The following NFYC variants were observed in gnomAD, a reference collection of about 807,000 sequenced individuals.
NFYC encodes CAAT box DNA-binding protein subunit C.
NFYC carries 25 observed loss-of-function variants against 53.1 expected under a neutral mutation model. The observed-to-expected ratio is 0.47, with a 90% CI of 0.34 to 0.66. The LOEUF (loss-of-function observed/expected upper bound fraction) is 0.66, where lower values mean the gene tolerates loss of function less well. Ranked by LOEUF, NFYC falls within the 30% of genes least tolerant of loss-of-function variation. NFYC has a pLI of 0.01. For missense variants in NFYC, 260 were observed against 422.7 expected (o/e 0.62, Z 3.38); for synonymous variants, 145 against 152.6 (o/e 0.95, Z 0.37).
intron 9 of NFYC, among the ~76,000 whole-genome samples, chr1:40,769,812 C>A (rs189202267): frequency 1.8e-4 from 27 of 152,112 alleles, no homozygotes; most frequent in Admixed American, 1.8e-3. Context: ...ACTGTTGAGA[C>A]GCAGAGAACA....
At chr1:40,738,658 A>G (rs138924967) in intron 1 of NFYC, among the ~76,000 whole-genome samples, 178 bp from the exon 2 acceptor site, 5 of 152,360 alleles carry the variant, frequency 3.3e-5, no homozygotes, top group Admixed American at 1.3e-4. Context: ...AAACTTTCCT[A>G]CCAATGTTTT....
chr1:40,725,797 G>T (rs572198400), intron 1 of NFYC, among the ~76,000 whole-genome samples: 16 of 152,220 alleles, frequency 1.1e-4, no homozygotes, highest in African/African-American at 3.9e-4. Context: ...CTGCCACTAG[G>T]GCAAAATACA....
intron 3 of NFYC, among the ~76,000 whole-genome samples, chr1:40,748,152 G>A (rs1447091771): frequency 1.3e-5 from 2 of 151,406 alleles, no homozygotes; most frequent in Admixed American, 6.6e-5. Flanking sequence ...TTCTTTTTGA[G>A]ACAGGGTCTC....
chr1:40,704,030 G>T lies in NFYC; in HGVS notation c.-9+12163G>T, dbSNP rs561869135. 5.3e-4 allele frequency among the ~76,000 whole-genome samples: 81 copies of T among 151,890 alleles called. 1 individual carries two copies. Among genetic ancestry groups the T allele is most frequent in the Admixed American group, 2.8e-3 (43 of 15,264 alleles). On this transcript the variant is annotated intron_variant, in intron 1 of 9. Transcript: ENST00000447388. ...CTTTACCTTCTTTGAGAGTATTAAAGCTTCAACCGTGTAACCAGAGTTACT... is the reference window on the plus strand; with the variant it reads ...CTTTACCTTCTTTGAGAGTATTAAATCTTCAACCGTGTAACCAGAGTTACT...
At chr1:40,767,688 G>C (rs150790117) in intron 8 of NFYC, among the ~76,000 whole-genome samples, 29 of 152,328 alleles carry the variant, frequency 1.9e-4, no homozygotes, top group Non-Finnish European at 3.4e-4. Flanking sequence ...TCAGAAGTCA[G>C]TTTGGGGCTG....
chr1:40,694,229 C>G (rs1643001092), intron 1 of NFYC, among the ~76,000 whole-genome samples: 1 of 152,238 alleles, frequency 6.6e-6, no homozygotes, highest in African/African-American at 2.4e-5. Flanking sequence ...AGGACCTATT[C>G]AAAGGCCTAG....
chr1:40,734,514 C>T (rs907681499), intron 1 of NFYC, among the ~76,000 whole-genome samples: 22 of 152,036 alleles, frequency 1.4e-4, no homozygotes, highest in Non-Finnish European at 2.8e-4. Context: ...GCATGTGCCA[C>T]CACAGCCAGC....
intron 3 of NFYC, among the ~76,000 whole-genome samples, chr1:40,748,644 A>G (rs1365821499): frequency 6.6e-6 from 1 of 152,160 alleles, no homozygotes; most frequent in Non-Finnish European, 1.5e-5. Flanking sequence ...GGGCTTGGCC[A>G]TTTCTGTATT....
chr1:40,763,364 A>C (rs1273447826), intron 7 of NFYC: 1 of 455,560 alleles, frequency 2.2e-6, no homozygotes, highest in African/African-American at 2.0e-5. Context: ...TCTTTTTAGG[A>C]GACAGGTCTT....
intron 1 of NFYC, chr1:40,712,692 G>T (rs1449973119): frequency 2.4e-5 from 3 of 125,928 alleles, no homozygotes; most frequent in African/African-American, 5.9e-5. Context: ...TGCAGACGAG[G>T]TCTCGCTCTG....
Position 40,751,717 on chromosome 1 carries a change from T to TA in NFYC, c.292-1433dup, listed in dbSNP as rs548813786. 5.8e-4 allele frequency among the ~76,000 whole-genome samples: 89 copies of TA among 152,298 alleles called. 1 individual carries two copies. Among genetic ancestry groups the TA allele is most frequent in the African/African-American group, 2.0e-3 (85 of 41,568 alleles). On this transcript the variant is annotated intron_variant, in intron 4 of 9. Coordinates refer to ENST00000447388, the MANE Select transcript of NFYC (RefSeq NM_014223.5). Reference sequence around the variant, plus strand: ...TTAGGAAGACCAACTTAAGTATATCTATGTTTCCAAAATACTCTAGAATAT... The same window carrying TA: ...TTAGGAAGACCAACTTAAGTATATCTAATGTTTCCAAAATACTCTAGAATAT...
chr1:40,709,941 C>T (rs1253618927), intron 1 of NFYC, among the ~76,000 whole-genome samples: 1 of 152,212 alleles, frequency 6.6e-6, no homozygotes, highest in Non-Finnish European at 1.5e-5. Flanking sequence ...TGAAGCTTTC[C>T]TACGGAATAA....
intron 1 of NFYC, among the ~76,000 whole-genome samples, chr1:40,728,890 G>C (rs753452976): frequency 3.9e-5 from 6 of 152,166 alleles, no homozygotes; most frequent in African/African-American, 7.2e-5. Context: ...CGCCCGCCTT[G>C]GCCTCCCAAA....
At chr1:40,716,701 G>T (rs570157843) in intron 1 of NFYC, among the ~76,000 whole-genome samples, 19 of 152,224 alleles carry the variant, frequency 1.2e-4, no homozygotes, top group African/African-American at 4.6e-4. Flanking sequence ...GCTTAGAATT[G>T]TACGTGGCAC....
chr1:40,707,465 G>A (rs1643752825), intron 1 of NFYC, among the ~76,000 whole-genome samples: 1 of 142,810 alleles, frequency 7.0e-6, no homozygotes, highest in African/African-American at 2.6e-5. Context: ...AGGCAACAGA[G>A]TGAGACTCCA....
chr1:40,710,272 T>A (rs1009679467), intron 1 of NFYC, among the ~76,000 whole-genome samples: 1 of 152,254 alleles, frequency 6.6e-6, no homozygotes, highest in African/African-American at 2.4e-5. Context: ...TTCCACAGAT[T>A]TCACACATTT....
chr1:40,763,024 C>T lies in NFYC; in HGVS notation c.698C>T (p.Thr233Ile), dbSNP rs143224138. The change falls in exon 7 of 10, where the codon ACA becomes ATA. Residue 233 changes from threonine to isoleucine, a missense_variant. By Grantham distance (89) the Thr-to-Ile change is moderately conservative. Transcript: ENST00000447388. The stretch of plus-strand genomic sequence containing the variant: ...GTGATGCAGCAGATCATCACTAACA[C>T]AGGAGAGATCCAGCAGATCCCGGTG... ...MQVMQQIITN[T>I]GEIQQIPVQL... 2.5e-6 allele frequency: 4 copies of T among 1,605,032 alleles called. No homozygotes were observed.
intron 1 of NFYC, among the ~76,000 whole-genome samples, chr1:40,710,177 C>A (rs1467411756): frequency 6.6e-6 from 1 of 152,188 alleles, no homozygotes; most frequent in East Asian, 1.9e-4. Flanking sequence ...AATGTAGTAA[C>A]AATCTTTGTT....
At chr1:40,769,212 T>A in intron 8 of NFYC, 144 bp from the exon 9 acceptor site, 1 of 752,758 alleles carries the variant, frequency 1.3e-6, no homozygotes, top group East Asian at 2.5e-5. Context: ...GGAGGGGTGC[T>A]TGCTTGCTTA....
Sources: allele counts gnomAD v4.1 joint callset (sites outside exome capture counted in the v4.1 genomes callset), GRCh38; gene constraint gnomAD v4.1.1; transcripts MANE v1.5; gene names NCBI Gene and HGNC (gene_info 2026-07-23, HGNC 2026-07-21).